CADM2: variants seen among roughly 807,000 people sequenced by gnomAD.
The protein encoded by CADM2 is cell adhesion molecule 2, also known as immunoglobulin superfamily member 4D.
A neutral mutation model predicts 49.8 loss-of-function variants in CADM2; 12 were observed. The observed-to-expected ratio is 0.24, with a 90% confidence interval of 0.15 to 0.39. The LOEUF is 0.39. Among genes scored for constraint, CADM2 ranks in the 10% least tolerant of loss-of-function variants. The pLI, the probability that CADM2 is intolerant of heterozygous loss-of-function variation, is 1.00. For missense variants in CADM2, 378 were observed against 492.3 expected (o/e 0.77, Z 2.20); for synonymous variants, 214 against 175.4 (o/e 1.22, Z -1.74).
chr3:85,157,492 A>T (rs1352472074), intron 1 of CADM2, among the ~76,000 whole-genome samples: 1 of 152,320 alleles, frequency 6.6e-6, no homozygotes, highest in Admixed American at 6.5e-5. Flanking sequence ...CAAAACAGAG[A>T]TATAGATCAA....
chr3:85,888,964 C>G (rs1293913089), intron 5 of CADM2, among the ~76,000 whole-genome samples: 3 of 152,060 alleles, frequency 2.0e-5, no homozygotes. Context: ...AAGACACTCC[C>G]TAGCATAAAA....
chr3:85,412,908 G>A (rs919869119), intron 1 of CADM2, among the ~76,000 whole-genome samples: 11 of 151,558 alleles, frequency 7.3e-5, no homozygotes, highest in Non-Finnish European at 1.2e-4. Flanking sequence ...TTGGGAGGCC[G>A]AGGCGGGCGG....
intron 1 of CADM2, among the ~76,000 whole-genome samples, chr3:85,179,930 C>G (rs1158368381): frequency 6.6e-6 from 1 of 151,950 alleles, no homozygotes; most frequent in Non-Finnish European, 1.5e-5. Flanking sequence ...TATTTATAGT[C>G]CCATAAATAT....
chr3:85,688,805 C>T (rs375257128), intron 1 of CADM2, among the ~76,000 whole-genome samples: 106 of 152,136 alleles, frequency 7.0e-4, no homozygotes, highest in African/African-American at 2.4e-3. Context: ...TGACCTCAAG[C>T]GATCCTCCTG....
At chr3:85,484,230 C>G (rs2039328517) in intron 1 of CADM2, among the ~76,000 whole-genome samples, 1 of 151,944 alleles carries the variant, frequency 6.6e-6, no homozygotes, top group South Asian at 2.1e-4. Flanking sequence ...GTCCACCTAA[C>G]AGTGATCCCA....
At position 85,257,493 on chromosome 3, in the gene CADM2, T is replaced by G. The variant is rs1464689615; in HGVS notation, c.61+297825T>G. On this transcript the variant is annotated intron_variant, in intron 1 of 9. Transcript: ENST00000383699. ...ATAAATCTCAAAAAGTAGCCACTAA[T>G]TATTCCTTCTAGTAGGGCCTATCTA... 2.6e-5 allele frequency among the ~76,000 whole-genome samples: 4 copies of G among 152,274 alleles called. No homozygotes were observed. In the East Asian group the frequency reaches 7.7e-4, roughly 29 times the overall value.
Position 85,374,306 on chromosome 3 carries a change from TG to T in CADM2, c.62-352212del, listed in dbSNP as rs559866621. Among the ~76,000 whole-genome samples, 11 of 152,314 alleles carry T rather than the reference TG, an allele frequency of 7.2e-5. No homozygotes were observed. In the East Asian group the frequency reaches 2.1e-3, roughly 30 times the overall value. On this transcript the variant is annotated intron_variant, in intron 1 of 9. Transcript: ENST00000383699. ...TCCAAGTTCCACAGGTCTCTAGGGC[TG>T]GGGCAAATGCTTCCAATCTCTTTGC... is the stretch of plus-strand genomic sequence containing the variant.
At chr3:85,034,728 C>T (rs970106208) in intron 1 of CADM2, among the ~76,000 whole-genome samples, 1 of 150,438 alleles carries the variant, frequency 6.6e-6, no homozygotes. Context: ...ACAAGGATTT[C>T]CCTTTCTCCA....
At chr3:85,844,661 G>T (rs2074797419) in intron 3 of CADM2, among the ~76,000 whole-genome samples, 1 of 152,082 alleles carries the variant, frequency 6.6e-6, no homozygotes, top group Non-Finnish European at 1.5e-5. Context: ...TGAAAAGCAA[G>T]TTCCAAATGT....
intron 8 of CADM2, among the ~76,000 whole-genome samples, chr3:86,048,220 ATATG>A (rs1427625968): frequency 6.6e-6 from 1 of 152,022 alleles, no homozygotes; most frequent in Admixed American, 6.6e-5. Context: ...AAACGAATAT[ATATG>A]TATTTGTTTA....
At chr3:85,389,016 A>C (rs2034388081) in intron 1 of CADM2, among the ~76,000 whole-genome samples, 1 of 152,162 alleles carries the variant, frequency 6.6e-6, no homozygotes, top group Non-Finnish European at 1.5e-5. Context: ...GGAGAGAGCT[A>C]GGGTTTCCAG....
At chr3:85,314,375 A>G (rs905323622) in intron 1 of CADM2, among the ~76,000 whole-genome samples, 5 of 152,026 alleles carry the variant, frequency 3.3e-5, no homozygotes, top group African/African-American at 1.2e-4. Context: ...TTAACAAAGG[A>G]CAAAATAATA....
At chr3:85,761,072 C>T (rs1244468237) in intron 2 of CADM2, among the ~76,000 whole-genome samples, 1 of 152,000 alleles carries the variant, frequency 6.6e-6, no homozygotes, top group Non-Finnish European at 1.5e-5. Context: ...AGACGAAGTC[C>T]CTATCAGGAT....
intron 3 of CADM2, among the ~76,000 whole-genome samples, chr3:85,822,270 G>C (rs756649964): frequency 1.3e-5 from 2 of 152,114 alleles, no homozygotes; most frequent in Non-Finnish European, 2.9e-5. Flanking sequence ...ATTTCAGCAA[G>C]TTTAGGATAT....
chr3:85,448,773 G>A (rs999021979), intron 1 of CADM2, among the ~76,000 whole-genome samples: 4 of 151,812 alleles, frequency 2.6e-5, no homozygotes, highest in Non-Finnish European at 5.9e-5. Context: ...AAATTCGGCC[G>A]GGCGTGGTGG....
chr3:85,802,865 T>G (rs1039696244), intron 3 of CADM2, among the ~76,000 whole-genome samples: 2 of 152,188 alleles, frequency 1.3e-5, no homozygotes, highest in Admixed American at 1.3e-4. Flanking sequence ...TCATCCATTA[T>G]TAGATGAAAA....
intron 1 of CADM2, among the ~76,000 whole-genome samples, chr3:85,071,190 G>A (rs933485106): frequency 1.3e-5 from 2 of 151,658 alleles, no homozygotes; most frequent in Admixed American, 6.6e-5. Context: ...TAAAAGTAAA[G>A]TATATAGGTA....
chr3:85,524,215 C>T (rs1234816066), intron 1 of CADM2, among the ~76,000 whole-genome samples: 4 of 151,950 alleles, frequency 2.6e-5, no homozygotes, highest in Admixed American at 2.6e-4. Context: ...GTCCTGTTTT[C>T]TATTTTATTA....
rs1203720665 is a variant in CADM2 at position 85,132,094 on chromosome 3, T to A, written c.61+172426T>A. Among the ~76,000 whole-genome samples the A allele has an allele frequency of 3.3e-5, 5 of 152,332 alleles. No homozygotes were observed. The East Asian group carries it at 7.7e-4, about 23-fold the overall frequency. Reference sequence around the variant, plus strand: ...AATGTTTTCCTGAAATGAGAAGGGATAATGTTTTCAATTTTTAAAAATCCT... The same window carrying A: ...AATGTTTTCCTGAAATGAGAAGGGAAAATGTTTTCAATTTTTAAAAATCCT... On this transcript the variant is annotated intron_variant, in intron 1 of 9. Coordinates refer to ENST00000383699, the MANE Select transcript of CADM2 (RefSeq NM_001167675.2).
Sources: gnomAD v4.1 joint callset for allele counts (sites outside exome capture counted in the v4.1 genomes callset) on GRCh38, gnomAD v4.1.1 for gene constraint, MANE v1.5 for transcripts, NCBI Gene and HGNC (gene_info 2026-07-23, HGNC 2026-07-21) for gene names.